RNGTT: variants seen among roughly 807,000 people sequenced by gnomAD.
The protein encoded by RNGTT is mRNA-capping enzyme.
In RNGTT, 33 loss-of-function variants were observed where a neutral mutation model predicts 79.3. The observed-to-expected ratio is 0.42, with a 90% confidence interval of 0.32 to 0.56. The LOEUF (loss-of-function observed/expected upper bound fraction) is 0.56. Ranked by LOEUF, RNGTT falls within the 20% of genes least tolerant of loss-of-function variation. RNGTT has a pLI of 0.17. For missense variants in RNGTT, 497 were observed against 739.1 expected (o/e 0.67, Z 3.80); for synonymous variants, 222 against 235.9 (o/e 0.94, Z 0.54).
intron 14 of RNGTT, among the ~76,000 whole-genome samples, chr6:88,643,857 G>A (rs976936138): frequency 5.3e-5 from 8 of 152,330 alleles, no homozygotes; most frequent in African/African-American, 1.9e-4. Flanking sequence ...AAAGCGGTGT[G>A]TAGAGGGAAA....
At chr6:88,663,841 C>T (rs1458005197) in intron 14 of RNGTT, among the ~76,000 whole-genome samples, 2 of 152,184 alleles carry the variant, frequency 1.3e-5, no homozygotes, top group Non-Finnish European at 2.9e-5. Context: ...GGTAGGGGTG[C>T]CTTTGTGTAC....
In RNGTT at chr6:88,706,580, CT is replaced by C. The variant is rs1185648516; in HGVS notation, c.1440-28162del. ...CAATCTGAAAGTTAGAAAAAAAACT[CT>C]TTCGACTAGCACTTTTTCAAATAGA... On this transcript the variant is annotated intron_variant, in intron 13 of 15. Coordinates refer to ENST00000369485, the MANE Select transcript of RNGTT (RefSeq NM_003800.5). Among the ~76,000 whole-genome samples the C allele has an allele frequency of 2.6e-5, 4 of 152,004 alleles. No homozygotes were observed. The East Asian group carries it at 7.7e-4, about 29-fold the overall frequency.
chr6:88,646,444 AG>A (rs1399949004), intron 14 of RNGTT, among the ~76,000 whole-genome samples: 1 of 152,268 alleles, frequency 6.6e-6, no homozygotes. Context: ...GTGATTCCTC[AG>A]GGATCTAGAA....
chr6:88,632,492 A>T (rs1449614063), intron 14 of RNGTT, among the ~76,000 whole-genome samples: 1 of 151,598 alleles, frequency 6.6e-6, no homozygotes, highest in Non-Finnish European at 1.5e-5. Context: ...AGTTTATCTA[A>T]TGCAAGAAAA....
chr6:88,832,247 A>G (rs1416610328), intron 11 of RNGTT, among the ~76,000 whole-genome samples: 2 of 152,220 alleles, frequency 1.3e-5, no homozygotes, highest in African/African-American at 4.8e-5. Flanking sequence ...ACAGATATAT[A>G]GACCAATGGA....
chr6:88,849,272 C>A, intron 10 of RNGTT, among the ~76,000 whole-genome samples: 1 of 151,876 alleles, frequency 6.6e-6, no homozygotes, highest in Non-Finnish European at 1.5e-5. Context: ...GAATTTCAAT[C>A]AAAAAATTAG....
intron 4 of RNGTT, among the ~76,000 whole-genome samples, chr6:88,912,996 G>A (rs1783875339): frequency 6.6e-6 from 1 of 152,018 alleles, no homozygotes; most frequent in Non-Finnish European, 1.5e-5. Context: ...CTGAGGCCAG[G>A]AATTCAAGAC....
chr6:88,792,812 G>A (rs1449431678), intron 12 of RNGTT, among the ~76,000 whole-genome samples: 1 of 151,942 alleles, frequency 6.6e-6, no homozygotes, highest in Non-Finnish European at 1.5e-5. Flanking sequence ...CCAAAATAAG[G>A]AAAAAATAAC....
chr6:88,633,222 T>TC (rs1562160210), intron 14 of RNGTT, among the ~76,000 whole-genome samples: 2 of 149,704 alleles, frequency 1.3e-5, no homozygotes, highest in South Asian at 2.1e-4. Context: ...CATTGCCAGA[T>TC]CCCCCCACTG....
intron 13 of RNGTT, among the ~76,000 whole-genome samples, chr6:88,744,496 G>C (rs1777597180): frequency 6.6e-6 from 1 of 152,088 alleles, no homozygotes; most frequent in South Asian, 2.1e-4. Context: ...TCCTGACCTT[G>C]TGATCTATGC....
At chr6:88,831,980 G>T (rs1007742601) in intron 11 of RNGTT, among the ~76,000 whole-genome samples, 8 of 152,158 alleles carry the variant, frequency 5.3e-5, no homozygotes, top group African/African-American at 1.9e-4. Flanking sequence ...CTCACAGATA[G>T]GAAGAATCAA....
intron 8 of RNGTT, among the ~76,000 whole-genome samples, chr6:88,860,676 T>C (rs1781984194): frequency 6.6e-6 from 1 of 152,138 alleles, no homozygotes; most frequent in Admixed American, 6.6e-5. Flanking sequence ...TTGATTTCTA[T>C]TGCTTACAGT....
At chr6:88,767,082 G>A (rs1259148854) in intron 13 of RNGTT, among the ~76,000 whole-genome samples, 1 of 151,962 alleles carries the variant, frequency 6.6e-6, no homozygotes, top group African/African-American at 2.4e-5. Flanking sequence ...CTGGCTAACC[G>A]AATATGTTTT....
At chr6:88,643,743 T>C (rs1773416728) in intron 14 of RNGTT, among the ~76,000 whole-genome samples, 1 of 152,188 alleles carries the variant, frequency 6.6e-6, no homozygotes, top group South Asian at 2.1e-4. Context: ...AACCTGCTCC[T>C]GAATGACTAC....
chr6:88,881,205 G>A (rs1782685512), intron 8 of RNGTT, among the ~76,000 whole-genome samples: 1 of 152,084 alleles, frequency 6.6e-6, no homozygotes, highest in African/African-American at 2.4e-5. Flanking sequence ...AAAATTGAAG[G>A]ACAATCTAAT....
chr6:88,646,564 C>A (rs1240758839), intron 14 of RNGTT, among the ~76,000 whole-genome samples: 1 of 152,138 alleles, frequency 6.6e-6, no homozygotes, highest in South Asian at 2.1e-4. Context: ...TGTGGCACTA[C>A]TCACAGTAGC....
At chr6:88,725,884 G>A (rs1465146201) in intron 13 of RNGTT, among the ~76,000 whole-genome samples, 3 of 151,984 alleles carry the variant, frequency 2.0e-5, no homozygotes, top group African/African-American at 7.3e-5. Context: ...GACCAGCAAA[G>A]AGGAAAGAGA....
At chr6:88,781,365 C>T (rs12175994) in intron 12 of RNGTT, among the ~76,000 whole-genome samples, 20,896 of 152,134 alleles carry the variant, frequency 0.14, 1,567 homozygotes, top group Middle Eastern at 0.24. Flanking sequence ...ACAGTAAAAC[C>T]TGAGACATAA....
rs141027461 is a variant in RNGTT, at chr6:88,846,579, G to C, written c.1105-2058C>G. Among the ~76,000 whole-genome samples, 383 of 152,114 alleles carry C rather than the reference G, an allele frequency of 2.5e-3. 2 individuals carry two copies. The highest frequency in any genetic ancestry group is 8.8e-3 in the African/African-American group (365 of 41,510). On this transcript the variant is annotated intron_variant, in intron 10 of 15. Transcript: ENST00000369485. Reference sequence around the variant, plus strand: ...CGTAGCCATCATGGCAAAACCTCATGTATTTGTATTTTTGTGCTAAAAATA... The same window carrying C: ...CGTAGCCATCATGGCAAAACCTCATCTATTTGTATTTTTGTGCTAAAAATA...
Sources: gnomAD v4.1 joint callset for allele counts (sites outside exome capture counted in the v4.1 genomes callset) on GRCh38, gnomAD v4.1.1 for gene constraint, MANE v1.5 for transcripts, NCBI Gene and HGNC (gene_info 2026-07-23, HGNC 2026-07-21) for gene names.